The following RBFOX1 variants were observed in gnomAD, a reference collection of about 807,000 sequenced individuals.
The protein encoded by RBFOX1 is RNA binding protein fox-1 homolog 1.
A neutral mutation model predicts 57.7 loss-of-function variants in RBFOX1; 8 were observed. The ratio of observed to expected loss-of-function variants is 0.14; its 90% CI spans 0.08 to 0.25. The LOEUF is 0.25. RBFOX1 is among the 10% of genes least tolerant of loss of function. The probability of loss-of-function intolerance (pLI) is 1.00; values close to 1 mark genes in which losing one functional copy is unlikely to be tolerated. For missense variants in RBFOX1, 611 were observed against 548.5 expected, an observed-to-expected ratio of 1.11 and a Z score of -1.14; for synonymous variants, 326 against 222.4, an observed-to-expected ratio of 1.47 and a Z score of -4.15.
At chr16:5,921,821 C>G (rs1018817628) in intron 4 of RBFOX1, among the ~76,000 whole-genome samples, 20 of 151,578 alleles carry the variant, frequency 1.3e-4, no homozygotes, top group Non-Finnish European at 2.8e-4. Flanking sequence ...AGGGAGGGAG[C>G]AAGAGAGAGC....
At chr16:7,571,175 T>C (rs369453513) in intron 5 of RBFOX1, among the ~76,000 whole-genome samples, 7 of 151,932 alleles carry the variant, frequency 4.6e-5, no homozygotes, top group African/African-American at 1.2e-4. Context: ...CGTTTACTTA[T>C]GTAACAAACC....
chr16:7,692,755 T>G (rs1417541544), intron 14 of RBFOX1, among the ~76,000 whole-genome samples: 1 of 152,192 alleles, frequency 6.6e-6, no homozygotes, highest in Non-Finnish European at 1.5e-5. Context: ...ACTGCATCAT[T>G]AAAAATAATT....
intron 4 of RBFOX1, among the ~76,000 whole-genome samples, chr16:7,262,014 G>T (rs1211650839): frequency 6.6e-6 from 1 of 152,088 alleles, no homozygotes; most frequent in Non-Finnish European, 1.5e-5. Flanking sequence ...CCCTTTCTCT[G>T]TTGGTTCCTT....
chr16:5,544,855 C>T (rs74846767), intron 2 of RBFOX1, among the ~76,000 whole-genome samples: 6,472 of 151,116 alleles, frequency 0.043, 475 homozygotes, highest in African/African-American at 0.15. Flanking sequence ...ACTAGGTAAC[C>T]GTATTAACCC....
chr16:5,921,951 C>T (rs544449706), intron 4 of RBFOX1, among the ~76,000 whole-genome samples: 60 of 151,266 alleles, frequency 4.0e-4, no homozygotes, highest in South Asian at 2.1e-4. Flanking sequence ...TAGGAGTTTG[C>T]GACTAGCATG....
At chr16:7,396,679 C>G (rs1005901814) in intron 4 of RBFOX1, among the ~76,000 whole-genome samples, 1 of 152,198 alleles carries the variant, frequency 6.6e-6, no homozygotes. Flanking sequence ...GTGACTTACA[C>G]CTGTAATCCC....
At chr16:6,544,992 A>G (rs2096875318) in intron 2 of RBFOX1, among the ~76,000 whole-genome samples, 1 of 152,206 alleles carries the variant, frequency 6.6e-6, no homozygotes, top group Non-Finnish European at 1.5e-5. Flanking sequence ...AGTTTAAACT[A>G]ATAAATCTTT....
Position 6,462,296 on chromosome 16 carries a change from C to G in RBFOX1, c.-64+145239C>G, listed in dbSNP as rs146138550. The stretch of plus-strand genomic sequence containing the variant: ...GATGCATGCTCTTCTGTATGGTCCC[C>G]TTTGCTGATACAATTATCCATGTGC... On this transcript the variant is annotated intron_variant, in intron 2 of 15. Transcript: ENST00000550418. Among the ~76,000 whole-genome samples, 696 of 152,284 alleles carry G rather than the reference C, an allele frequency of 4.6e-3. 7 individuals are homozygous for G. Among genetic ancestry groups the G allele is most frequent in the African/African-American group, 0.016 (668 of 41,562 alleles).
intron 3 of RBFOX1, among the ~76,000 whole-genome samples, chr16:6,925,086 G>A (rs12446737): frequency 0.2 from 23,117 of 117,892 alleles, 2,117 homozygotes; most frequent in Middle Eastern, 0.23. Context: ...CCAGTCTATC[G>A]TTGTTGGACA....
chr16:7,163,113 C>G (rs904634469), intron 4 of RBFOX1, among the ~76,000 whole-genome samples: 1 of 152,170 alleles, frequency 6.6e-6, no homozygotes, highest in Non-Finnish European at 1.5e-5. Context: ...TCCTAAGTTA[C>G]TGAATGCATC....
chr16:7,017,026 G>A (rs748482673), intron 3 of RBFOX1, among the ~76,000 whole-genome samples: 2 of 151,928 alleles, frequency 1.3e-5, no homozygotes, highest in East Asian at 1.9e-4. Flanking sequence ...ATGACTTTTG[G>A]CTTCATCCTT....
At chr16:5,906,385 A>G (rs1369429117) in intron 4 of RBFOX1, among the ~76,000 whole-genome samples, 1 of 152,244 alleles carries the variant, frequency 6.6e-6, no homozygotes, top group Non-Finnish European at 1.5e-5. Flanking sequence ...TGTTTCTGCA[A>G]AGAATTCCAA....
At chr16:7,603,240 CA>C (rs888357776) in intron 9 of RBFOX1, among the ~76,000 whole-genome samples, 4 of 150,708 alleles carry the variant, frequency 2.7e-5, no homozygotes, top group Non-Finnish European at 3.0e-5. Flanking sequence ...TAATCAGAGC[CA>C]AAAAAAAATT....
intron 4 of RBFOX1, among the ~76,000 whole-genome samples, chr16:7,230,492 A>G (rs2093434589): frequency 6.6e-6 from 1 of 152,188 alleles, no homozygotes; most frequent in African/African-American, 2.4e-5. Context: ...CATTCAGGAA[A>G]GGGCTGACCC....
chr16:6,939,581 A>G (rs1346147187), intron 3 of RBFOX1, among the ~76,000 whole-genome samples: 3 of 148,938 alleles, frequency 2.0e-5, no homozygotes, highest in African/African-American at 5.0e-5. Flanking sequence ...GAGTGATTTC[A>G]GCTCACTGCA....
chr16:5,742,566 G>A (rs1346100787), intron 3 of RBFOX1, among the ~76,000 whole-genome samples: 1 of 152,120 alleles, frequency 6.6e-6, no homozygotes, highest in Non-Finnish European at 1.5e-5. Context: ...AGAACGTCTG[G>A]CACATAGTAG....
chr16:5,470,682 C>T (rs535547879), intron 2 of RBFOX1, among the ~76,000 whole-genome samples: 2 of 152,028 alleles, frequency 1.3e-5, no homozygotes, highest in Admixed American at 6.6e-5. Flanking sequence ...TGCAGGACCC[C>T]AGAGAGCTGA....
At chr16:5,437,531 A>G (rs1057480640) in intron 1 of RBFOX1, among the ~76,000 whole-genome samples, 14 of 152,266 alleles carry the variant, frequency 9.2e-5, no homozygotes, top group Non-Finnish European at 1.9e-4. Flanking sequence ...CCAACCATAG[A>G]TGAATCTCTA....
chr16:5,269,912 T>C (rs1219523321), intron 1 of RBFOX1, among the ~76,000 whole-genome samples: 1 of 152,164 alleles, frequency 6.6e-6, no homozygotes, highest in Non-Finnish European at 1.5e-5. Context: ...CCCAGTGCTT[T>C]GGGAGGCTGC....
Sources: gnomAD v4.1 joint callset for allele counts (sites outside exome capture counted in the v4.1 genomes callset) on GRCh38, gnomAD v4.1.1 for gene constraint, MANE v1.5 for transcripts, NCBI Gene and HGNC (gene_info 2026-07-23, HGNC 2026-07-21) for gene names.